MROH7: variants seen among roughly 807,000 people sequenced by gnomAD.
The protein encoded by MROH7 is maestro heat-like repeat-containing protein family member 7.
MROH7 carries 113 observed loss-of-function variants against 129.2 expected under a neutral mutation model. The ratio of observed to expected loss-of-function variants is 0.87; its 90% CI spans 0.75 to 1.02. The LOEUF is 1.02. Ranked by LOEUF, MROH7 falls within the 50% of genes least tolerant of loss-of-function variation. The pLI, the probability that MROH7 is intolerant of heterozygous loss-of-function variation, is 0.00. For missense variants in MROH7, 1,601 were observed against 1,671.3 expected (o/e 0.96, Z 0.73); for synonymous variants, 655 against 667.9 (o/e 0.98, Z 0.30).
At chr1:54,690,600 C>T (rs961481052) in intron 15 of MROH7, among the ~76,000 whole-genome samples, 51 of 152,128 alleles carry the variant, frequency 3.4e-4, no homozygotes, top group African/African-American at 1.0e-3. Context: ...CCCGCCACCA[C>T]GCCCGGCTAA....
At chr1:54,642,177 C>T (rs909448355) in intron 1 of MROH7, among the ~76,000 whole-genome samples, 1 of 152,154 alleles carries the variant, frequency 6.6e-6, no homozygotes, top group African/African-American at 2.4e-5. Flanking sequence ...CCAGCCTGCC[C>T]TCACCCAGGG....
At chr1:54,666,933 A>T (rs1473076485) in intron 4 of MROH7, among the ~76,000 whole-genome samples, 1 of 152,158 alleles carries the variant, frequency 6.6e-6, no homozygotes, top group East Asian at 1.9e-4. Context: ...AGGAACTTTG[A>T]CTTCATCTTG....
At chr1:54,655,250 G>A (rs1260797897) in intron 3 of MROH7, among the ~76,000 whole-genome samples, 1 of 151,844 alleles carries the variant, frequency 6.6e-6, no homozygotes, top group Non-Finnish European at 1.5e-5. Flanking sequence ...CCCGACCTCA[G>A]GTGATCCGCC....
At chr1:54,686,196 C>T in intron 14 of MROH7, 62 bp from the exon 15 acceptor site, 1 of 1,475,612 alleles carries the variant, frequency 6.8e-7, no homozygotes, top group Admixed American at 1.9e-5. Flanking sequence ...AGTCCAGGCC[C>T]CAGCCAGGAG....
chr1:54,670,086 CAAAA>C (rs995942040), intron 5 of MROH7, among the ~76,000 whole-genome samples: 2 of 148,598 alleles, frequency 1.3e-5, no homozygotes, highest in Non-Finnish European at 3.0e-5. Flanking sequence ...AAAAAAAACA[CAAAA>C]AAACATTTTA....
At chr1:54,649,835 A>G (rs1436891204) in intron 1 of MROH7, among the ~76,000 whole-genome samples, 3 of 152,252 alleles carry the variant, frequency 2.0e-5, no homozygotes, top group African/African-American at 7.2e-5. Context: ...AATTATGGAC[A>G]TGAAATTAAG....
At chr1:54,656,321 G>A (rs1156793102) in intron 3 of MROH7, among the ~76,000 whole-genome samples, 2 of 149,698 alleles carry the variant, frequency 1.3e-5, no homozygotes, top group Admixed American at 1.3e-4. Flanking sequence ...AGATCAGCCT[G>A]GCCAACATGG....
At chr1:54,662,988 G>T (rs1644753841) in intron 3 of MROH7, among the ~76,000 whole-genome samples, 3 of 152,112 alleles carry the variant, frequency 2.0e-5, no homozygotes, top group Admixed American at 6.5e-5. Flanking sequence ...GTGACGCTGG[G>T]TTTTTCTCAT....
At position 54,678,791 on chromosome 1, in the gene MROH7, C is replaced by G; in HGVS notation, c.1986C>G (p.Asn662Lys). ...ACAAAAAGGAGCTATATGAGAGCAACAAGCATTTCCTGGGGCCCTACAACC... is the reference window on the plus strand; with the variant it reads ...ACAAAAAGGAGCTATATGAGAGCAAGAAGCATTTCCTGGGGCCCTACAACC... ...ETNKKELYES[N>K]KHFLGPYNPV... The change falls in exon 11 of 24, where the codon AAC becomes AAG. Residue 662 changes from asparagine (N) to lysine (K), a missense_variant. Transcript: ENST00000421030. The G allele has an allele frequency of 6.2e-7, 1 of 1,614,094 alleles. No homozygotes were observed. The highest frequency in any genetic ancestry group is 1.1e-5 in the South Asian group (1 of 91,072).
rs369256364 is a variant in MROH7, at chr1:54,704,604, A to AT, written c.3565-1821dup. Among the ~76,000 whole-genome samples, 849 of 145,378 alleles carry AT rather than the reference A, an allele frequency of 5.8e-3. 6 individuals carry two copies. Among genetic ancestry groups the AT allele is most frequent in the African/African-American group, 0.018 (732 of 39,700 alleles). On this transcript the variant is annotated intron_variant, in intron 21 of 23. Coordinates refer to ENST00000421030, the MANE Select transcript of MROH7 (RefSeq NM_001039464.4). ...TAGGCATGCACCTCCACACCCAGCT[A>AT]TTTTTTTTTTGTATTTATAGTAGAG... is the stretch of plus-strand genomic sequence containing the variant.
At chr1:54,679,765 C>G in intron 12 of MROH7, 126 bp from the exon 13 acceptor site, 8 of 933,664 alleles carry the variant, frequency 8.6e-6, no homozygotes, top group Non-Finnish European at 1.3e-5. Flanking sequence ...CTTCCTCTCT[C>G]TCTCCTTTGG....
chr1:54,707,427 T>C (rs1000615167), intron 22 of MROH7, among the ~76,000 whole-genome samples: 8 of 152,224 alleles, frequency 5.3e-5, no homozygotes, highest in African/African-American at 1.9e-4. Flanking sequence ...GTTGATTCCG[T>C]ACTCTGTGAG....
intron 1 of MROH7, among the ~76,000 whole-genome samples, chr1:54,642,789 A>AT (rs1269027773): frequency 1.3e-5 from 2 of 151,602 alleles, no homozygotes; most frequent in Non-Finnish European, 2.9e-5. Flanking sequence ...TAATTTTTGT[A>AT]TTTTTTGTAG....
intron 3 of MROH7, among the ~76,000 whole-genome samples, chr1:54,659,651 G>A (rs998940916): frequency 2.6e-5 from 4 of 152,024 alleles, no homozygotes; most frequent in African/African-American, 9.7e-5. Context: ...CAAGGTTTCT[G>A]CATGTTGGTC....
At chr1:54,642,934 C>T (rs769880363) in intron 1 of MROH7, among the ~76,000 whole-genome samples, 1 of 152,230 alleles carries the variant, frequency 6.6e-6, no homozygotes, top group African/African-American at 2.4e-5. Flanking sequence ...TAGATTCCTG[C>T]ACAGTCTGAA....
intron 3 of MROH7, among the ~76,000 whole-genome samples, chr1:54,661,092 T>C (rs1206789002): frequency 2.0e-5 from 3 of 152,042 alleles, no homozygotes; most frequent in African/African-American, 4.8e-5. Context: ...CTTTTTCTTA[T>C]TGGTTTGTGG....
intron 17 of MROH7, chr1:54,697,780 G>A (rs1645346635): frequency 1.5e-6 from 1 of 658,126 alleles, no homozygotes; most frequent in South Asian, 1.7e-5. Context: ...CTCTACTTTG[G>A]TCAGCCTCTT....
chr1:54,679,656 T>C (rs967388886), intron 12 of MROH7, among the ~76,000 whole-genome samples: 3 of 152,046 alleles, frequency 2.0e-5, no homozygotes, highest in Non-Finnish European at 4.4e-5. Context: ...ACTGACTTGG[T>C]GGTGGGTAGA....
At position 54,653,476 on chromosome 1, in the gene MROH7, A is replaced by G. The variant is rs1644591000; in HGVS notation, c.550A>G (p.Arg184Gly). The change falls in exon 3 of 24, where the codon AGA (arginine) becomes GGA (glycine). Residue 184 changes from arginine to glycine, a missense_variant. Transcript: ENST00000421030. ...AAACCCATTTATAAGGCACCATTCC[A>G]GAGAAGGTCTGGTTCTGGGCCACTG... is the stretch of plus-strand genomic sequence containing the variant. ...ELNPFIRHHS[R>G]EGLVLGHCIS... 1.2e-6 allele frequency: 2 copies of G among 1,614,080 alleles called. No homozygotes were observed. Among genetic ancestry groups the G allele is most frequent in the South Asian group, 2.2e-5 (2 of 91,092 alleles).
Sources: allele counts gnomAD v4.1 joint callset (sites outside exome capture counted in the v4.1 genomes callset), GRCh38; gene constraint gnomAD v4.1.1; transcripts MANE v1.5; gene names NCBI Gene and HGNC (gene_info 2026-07-23, HGNC 2026-07-21).